The following MTAP variants were observed in gnomAD, a reference collection of about 807,000 sequenced individuals.
MTAP encodes the protein methylthioadenosine phosphorylase, also known as S-methyl-5'-thioadenosine phosphorylase.
MTAP carries 33 observed loss-of-function variants against 33.6 expected under a neutral mutation model. The observed-to-expected ratio is 0.98, with a 90% CI of 0.74 to 1.31. MTAP has a LOEUF of 1.31. Among genes scored for constraint, MTAP ranks in the 40% most tolerant of loss-of-function variants. The pLI, the probability that MTAP is intolerant of heterozygous loss-of-function variation, is 0.00. For missense variants in MTAP, 367 were observed against 360.0 expected (o/e 1.02, Z -0.16); for synonymous variants, 148 against 125.7 (o/e 1.18, Z -1.19).
chr9:21,923,188 A>G (rs1451629218), intron 1 of MTAP, among the ~76,000 whole-genome samples: 1 of 152,190 alleles, frequency 6.6e-6, no homozygotes, highest in Non-Finnish European at 1.5e-5. Flanking sequence ...GCAGATGTCC[A>G]TTGGCTCATT....
At position 21,815,749 on chromosome 9, in the gene MTAP, A is replaced by G. The variant is rs542992209; in HGVS notation, c.120+230A>G. ...TTGAGAAAATGGCTACTTAGTATGTAAATCACTTCTCATTCTGTTGCTGGA... is the reference window on the plus strand; with the variant it reads ...TTGAGAAAATGGCTACTTAGTATGTGAATCACTTCTCATTCTGTTGCTGGA... On this transcript the variant is annotated intron_variant, in intron 2 of 7. Coordinates refer to ENST00000644715, the MANE Select transcript of MTAP (RefSeq NM_002451.4). 3.0e-3 allele frequency: 1,494 copies of G among 504,722 alleles called. 3 individuals are homozygous for G. Among genetic ancestry groups the G allele is most frequent in the Non-Finnish European group, 4.1e-3 (1,155 of 283,524 alleles). The allele number at this position is 504,722 out of a possible 1,614,324, so 31.3% of individuals were successfully genotyped here.
chr9:21,884,599 G>A (rs1472045202), intron 1 of MTAP, among the ~76,000 whole-genome samples: 1 of 152,160 alleles, frequency 6.6e-6, no homozygotes, highest in South Asian at 2.1e-4. Flanking sequence ...GTGGTATGTA[G>A]TGGAGCCCCA....
At chr9:21,841,509 C>G (rs1825243406) in intron 5 of MTAP, among the ~76,000 whole-genome samples, 1 of 152,362 alleles carries the variant, frequency 6.6e-6, no homozygotes, top group East Asian at 1.9e-4. Context: ...CAACCAATGA[C>G]TCTTGCAGAG....
At chr9:21,881,675 A>G (rs145598158) in intron 1 of MTAP, among the ~76,000 whole-genome samples, 1 of 152,170 alleles carries the variant, frequency 6.6e-6, no homozygotes, top group African/African-American at 2.4e-5. Context: ...TCAAAACCAC[A>G]TTGAGATATC....
At chr9:21,900,665 G>A (rs1003456448) in intron 1 of MTAP, among the ~76,000 whole-genome samples, 1 of 152,074 alleles carries the variant, frequency 6.6e-6, no homozygotes, top group African/African-American at 2.4e-5. Flanking sequence ...CCCATTACTG[G>A]GTATATACCC....
chr9:21,872,067 G>A (rs1825945766), downstream of MTAP, among the ~76,000 whole-genome samples: 1 of 152,154 alleles, frequency 6.6e-6, no homozygotes, highest in Admixed American at 6.5e-5. Context: ...TGTAATCCCA[G>A]CACTTTGGGA....
chr9:21,804,322 C>G (rs1824148951), intron 1 of MTAP, among the ~76,000 whole-genome samples: 1 of 152,186 alleles, frequency 6.6e-6, no homozygotes, highest in African/African-American at 2.4e-5. Flanking sequence ...CTTCAAGCGC[C>G]ATTAAAAATG....
At chr9:21,814,478 T>C (rs138244870) in intron 1 of MTAP, among the ~76,000 whole-genome samples, 1 of 152,300 alleles carries the variant, frequency 6.6e-6, no homozygotes, top group African/African-American at 2.4e-5. Context: ...CCTGGCACTG[T>C]TTACTCTCTA....
chr9:21,872,003 T>C (rs1825944743), downstream of MTAP, among the ~76,000 whole-genome samples: 1 of 152,194 alleles, frequency 6.6e-6, no homozygotes, highest in Admixed American at 6.5e-5. Flanking sequence ...TTTGTGTGTT[T>C]TAACCATTAT....
At chr9:21,847,776 T>A (rs1429295235) in intron 5 of MTAP, among the ~76,000 whole-genome samples, 2 of 152,218 alleles carry the variant, frequency 1.3e-5, no homozygotes, top group African/African-American at 2.4e-5. Flanking sequence ...TTGTTCTGAA[T>A]GAAAGACTTA....
intron 1 of MTAP, 74 bp downstream of exon 1, chr9:21,802,855 C>A (rs765695956): frequency 6.3e-6 from 10 of 1,583,844 alleles, no homozygotes; most frequent in Non-Finnish European, 8.6e-6. Flanking sequence ...GGGGACCGCG[C>A]CTCCGGGGGC....
At position 21,815,466 on chromosome 9, in the gene MTAP, C is replaced by T; in HGVS notation, c.67C>T (p.Pro23Ser). The T allele has an allele frequency of 1.2e-6, 2 of 1,611,460 alleles. No individual in the cohort carries two copies. Among genetic ancestry groups the T allele is most frequent in the East Asian group, 2.2e-5 (1 of 44,806 alleles). ...GIIGGTGLDD[P>S]EILEGRTEKY... is the part of the protein sequence containing the mutation. ...AATTGGTGGAACAGGCCTGGATGAT[C>T]CAGAAATTTTAGAAGGAAGAACTGA... The change falls in exon 2 of 8, where the codon CCA becomes TCA. Residue 23 changes from proline to serine, a missense_variant. Pro to Ser is a moderately conservative substitution (Grantham distance 74, BLOSUM62 -1). Coordinates refer to ENST00000644715, the MANE Select transcript of MTAP (RefSeq NM_002451.4).
At chr9:21,803,266 T>G in intron 1 of MTAP, 1 of 269,746 alleles carries the variant, frequency 3.7e-6, no homozygotes, top group Non-Finnish European at 6.9e-6. Context: ...ACTCTGCTTG[T>G]TGCCTGCGGC....
At chr9:21,885,323 A>G (rs893508297) in intron 1 of MTAP, among the ~76,000 whole-genome samples, 1 of 152,090 alleles carries the variant, frequency 6.6e-6, no homozygotes, top group African/African-American at 2.4e-5. Context: ...ATACTCCAAT[A>G]TATTTGTTCT....
chr9:21,843,773 T>G (rs1026165697), intron 5 of MTAP, among the ~76,000 whole-genome samples: 8 of 152,166 alleles, frequency 5.3e-5, no homozygotes, highest in African/African-American at 9.7e-5. Context: ...GTTCATAGCA[T>G]TAAATTCCTA....
chr9:21,885,286 T>C (rs1180775760), intron 1 of MTAP, among the ~76,000 whole-genome samples: 1 of 152,210 alleles, frequency 6.6e-6, no homozygotes, highest in African/African-American at 2.4e-5. Context: ...AAGAATACTT[T>C]GGAGAAAGCT....
chr9:21,859,039 C>T (rs1825696439), intron 6 of MTAP: 4 of 269,986 alleles, frequency 1.5e-5, no homozygotes, highest in East Asian at 7.8e-5. Flanking sequence ...GAACCTCACA[C>T]GGTGGAAGGG....
At chr9:21,898,323 C>G (rs1818331949) in intron 1 of MTAP, among the ~76,000 whole-genome samples, 1 of 152,150 alleles carries the variant, frequency 6.6e-6, no homozygotes, top group African/African-American at 2.4e-5. Flanking sequence ...CAGGCATGGG[C>G]AAGGACTTCA....
downstream of MTAP, chr9:21,937,795 A>G (rs1819064962): frequency 6.6e-6 from 1 of 152,174 alleles, no homozygotes; most frequent in African/African-American, 2.4e-5. Context: ...GCTAAGTAGG[A>G]TTTTCCAGAT....
Sources: gnomAD v4.1 joint callset for allele counts (sites outside exome capture counted in the v4.1 genomes callset) on GRCh38, gnomAD v4.1.1 for gene constraint, MANE v1.5 for transcripts, NCBI Gene and HGNC (gene_info 2026-07-23, HGNC 2026-07-21) for gene names.